Variants in FBXO31 observed in about 807,000 individuals in gnomAD.
FBXO31 encodes F-box only protein 31.
A neutral mutation model predicts 54.4 loss-of-function variants in FBXO31; 24 were observed. That is an observed-to-expected ratio of 0.44 (90% confidence interval 0.32 to 0.62). The LOEUF (loss-of-function observed/expected upper bound fraction) is 0.62, where lower values mean the gene tolerates loss of function less well. FBXO31 is among the 20% of genes least tolerant of loss of function. The probability of loss-of-function intolerance (pLI) is 0.05; values close to 1 mark genes in which losing one functional copy is unlikely to be tolerated. For missense variants in FBXO31, 665 were observed against 787.1 expected, an observed-to-expected ratio of 0.84 and a Z score of 1.86; for synonymous variants, 388 against 335.6, an observed-to-expected ratio of 1.16 and a Z score of -1.71.
chr16:87,346,710 G>A lies in FBXO31; in HGVS notation c.489+464C>T, dbSNP rs767295198. Among the ~76,000 whole-genome samples, 7 of 152,220 alleles carry A rather than the reference G, an allele frequency of 4.6e-5. No homozygotes were observed. The highest frequency in any genetic ancestry group is 7.3e-5 in the Non-Finnish European group (5 of 68,044). ...CAACAAAGTCAGAGCAGGGCTTTCCGTTCGAGAGGCTCCAGTAGGAGGGCA... is the reference window on the plus strand; with the variant it reads ...CAACAAAGTCAGAGCAGGGCTTTCCATTCGAGAGGCTCCAGTAGGAGGGCA... On this transcript the variant is annotated intron_variant, in intron 3 of 8. Coordinates refer to ENST00000311635, the MANE Select transcript of FBXO31 (RefSeq NM_024735.5). This position sits in a 1 kb window ranked among gnomAD's most constrained non-coding sequence, Gnocchi z 4.2.
At chr16:87,348,249 G>C (rs1421890244) in intron 2 of FBXO31, among the ~76,000 whole-genome samples, 8 of 152,120 alleles carry the variant, frequency 5.3e-5, no homozygotes, top group African/African-American at 1.4e-4. Context: ...CTCTCCATCA[G>C]CCTCAGCCTC....
intron 8 of FBXO31, among the ~76,000 whole-genome samples, chr16:87,332,385 GAC>G (rs1904889099): frequency 6.6e-6 from 1 of 152,228 alleles, no homozygotes. Context: ...ACGGAGGCTG[GAC>G]AGGTCTTCCT....
chr16:87,331,259 C>T lies in FBXO31; in HGVS notation c.*29G>A. 6.2e-7 allele frequency: 1 copy of T among 1,603,274 alleles called. No homozygotes were observed. Among genetic ancestry groups the T allele is most frequent in the South Asian group, 1.1e-5 (1 of 90,686 alleles). On this transcript the variant is annotated 3_prime_UTR_variant, in exon 9 of 9. Coordinates refer to ENST00000311635, the MANE Select transcript of FBXO31 (RefSeq NM_024735.5). ...TCAGAGTTCAGAGCCCCAGAGCCACCCGGGATGTGGCGGCAAGGATGTGGC... is the reference window on the plus strand; with the variant it reads ...TCAGAGTTCAGAGCCCCAGAGCCACTCGGGATGTGGCGGCAAGGATGTGGC...
Position 87,329,625 on chromosome 16 carries a change from T to A in FBXO31, c.*1663A>T, listed in dbSNP as rs1412645187. On this transcript the variant is annotated 3_prime_UTR_variant, in exon 9 of 9. Coordinates refer to ENST00000311635, the MANE Select transcript of FBXO31 (RefSeq NM_024735.5). ...AGAGGGCAGGGAGTGACAAAGCTTG[T>A]AGGCTAATGCTGCAAAAGCCGCTAG... 6.6e-6 allele frequency: 1 copy of A among 152,218 alleles called. No individual in the cohort carries two copies. The highest frequency in any genetic ancestry group is 6.5e-5 in the Admixed American group (1 of 15,284). The allele number at this position is 152,218 out of a possible 1,614,324, so 9.4% of individuals were successfully genotyped here.
intron 1 of FBXO31, among the ~76,000 whole-genome samples, chr16:87,377,317 G>A (rs752504937): frequency 2.0e-5 from 3 of 152,142 alleles, no homozygotes; most frequent in Admixed American, 6.5e-5. Flanking sequence ...GTGTTGGCAC[G>A]TGCCTATAGT....
intron 8 of FBXO31, among the ~76,000 whole-genome samples, chr16:87,332,910 C>G (rs1235150593): frequency 6.6e-6 from 1 of 152,208 alleles, no homozygotes; most frequent in East Asian, 1.9e-4. Context: ...GGCGGACCCT[C>G]AAAACAGCCC....
At position 87,331,092 on chromosome 16, in the gene FBXO31, T is replaced by A. The variant is rs1239872029; in HGVS notation, c.*196A>T. On this transcript the variant is annotated 3_prime_UTR_variant, in exon 9 of 9. Transcript: ENST00000311635. ...GGTAAGACATGCTCAGCTTCTTCCATCATGGCACTGACAAATATGCAGGTC... is the reference window on the plus strand; with the variant it reads ...GGTAAGACATGCTCAGCTTCTTCCAACATGGCACTGACAAATATGCAGGTC... The A allele has an allele frequency of 5.1e-6, 3 of 583,368 alleles. No homozygotes were observed. The highest frequency in any genetic ancestry group is 9.1e-6 in the Non-Finnish European group (3 of 327,976). The allele number at this position is 583,368 out of a possible 1,614,324, so 36.1% of individuals were successfully genotyped here.
At chr16:87,381,763 G>T (rs1318181486) in intron 1 of FBXO31, among the ~76,000 whole-genome samples, 1 of 152,128 alleles carries the variant, frequency 6.6e-6, no homozygotes, top group Non-Finnish European at 1.5e-5. Context: ...GGGGGCTCGC[G>T]CCTGTAATCC....
Position 87,331,452 on chromosome 16 carries a change from C to T in FBXO31, c.1456G>A (p.Gly486Arg). ...TCCTCATCGAAGAGGATGAAGACCCCGGGGGTGCGTTCAGGGCTGGTGAAG... is the reference window on the plus strand; with the variant it reads ...TCCTCATCGAAGAGGATGAAGACCCTGGGGGTGCGTTCAGGGCTGGTGAAG... ...HGFTSPERTP[G>R]VFILFDEDRF... is the part of the protein sequence containing the mutation. Residue 486 changes from glycine (G) to arginine (R), a missense_variant, in exon 9 of 9, where the codon GGG becomes AGG. Coordinates refer to ENST00000311635, the MANE Select transcript of FBXO31 (RefSeq NM_024735.5). 6.2e-7 allele frequency: 1 copy of T among 1,613,502 alleles called. No homozygotes were observed. Among genetic ancestry groups the T allele is most frequent in the Non-Finnish European group, 8.5e-7 (1 of 1,179,868 alleles).
At chr16:87,355,434 C>T (rs1470145650) in intron 2 of FBXO31, among the ~76,000 whole-genome samples, 1 of 152,210 alleles carries the variant, frequency 6.6e-6, no homozygotes, top group Non-Finnish European at 1.5e-5. Context: ...ACATCACAGG[C>T]ATAGGTTGAG....
chr16:87,388,008 G>A (rs1317042654), upstream of FBXO31, among the ~76,000 whole-genome samples: 2 of 152,196 alleles, frequency 1.3e-5, no homozygotes, highest in Admixed American at 6.6e-5. Context: ...AGTTGCACAC[G>A]TTAACAGTCC....
intron 2 of FBXO31, among the ~76,000 whole-genome samples, chr16:87,349,188 C>G (rs1400136641): frequency 6.6e-6 from 1 of 152,180 alleles, no homozygotes; most frequent in Non-Finnish European, 1.5e-5. Context: ...CAAAATGATT[C>G]CAAAGTCCAT....
rs111611648 is a variant in FBXO31 at position 87,377,974 on chromosome 16, C to T, written c.340+5431G>A. The stretch of plus-strand genomic sequence containing the variant: ...GGAGTTCGAGACCAGCCTGACCAAC[C>T]TGGAGAAACCCCATCTCTACTAAAA... On this transcript the variant is annotated intron_variant, in intron 1 of 8. Transcript: ENST00000311635. Among the ~76,000 whole-genome samples, 3 of 151,864 alleles carry T rather than the reference C, an allele frequency of 2.0e-5. No individual in the cohort carries two copies. In the South Asian group the frequency reaches 6.2e-4, roughly 32 times the overall value.
In FBXO31 at chr16:87,345,295, T is replaced by C. The variant is rs1174917268; in HGVS notation, c.490-1530A>G. Among the ~76,000 whole-genome samples the C allele has an allele frequency of 7.1e-6, 1 of 140,308 alleles. No homozygotes were observed. Among genetic ancestry groups the C allele is most frequent in the African/African-American group, 2.6e-5 (1 of 37,932 alleles). The allele number at this position is 140,308 out of a possible 152,430, so 92.0% of individuals were successfully genotyped here. On this transcript the variant is annotated intron_variant, in intron 3 of 8. Transcript: ENST00000311635. The surrounding 1 kb of genome is among the most constrained non-coding windows in gnomAD (Gnocchi z 4.9). ...AGTCAGGGCGGGGCTTTCCGGAAAG[T>C]TCAAGAGGCTCCAGCAGGAGGGTGC...
At chr16:87,377,134 T>A (rs184357529) in intron 1 of FBXO31, among the ~76,000 whole-genome samples, 1 of 152,348 alleles carries the variant, frequency 6.6e-6, no homozygotes, top group Admixed American at 6.5e-5. Flanking sequence ...GTTTGAAATC[T>A]ATAATTTTGA....
chr16:87,373,377 A>T (rs1906683485), intron 1 of FBXO31, among the ~76,000 whole-genome samples: 1 of 152,054 alleles, frequency 6.6e-6, no homozygotes, highest in African/African-American at 2.4e-5. Context: ...GCGTGAACCC[A>T]GGAGGTGGAG....
Position 87,383,691 on chromosome 16 carries a change from G to A in FBXO31, c.54C>T (p.Arg18=). The change falls in exon 1 of 9, where the codon CGC becomes CGT. Residue 18 remains arginine (R), a synonymous_variant. Transcript: ENST00000311635. This position sits in a 1 kb window ranked among gnomAD's most constrained non-coding sequence, Gnocchi z 4.9. ...CGGCCGGGCCCCGGCGCTGCTGGCGGCGCCGACATCCGCGCGACGGGCCCA... is the reference window on the plus strand; with the variant it reads ...CGGCCGGGCCCCGGCGCTGCTGGCGACGCCGACATCCGCGCGACGGGCCCA... ...CGVGPSRGCR[R]RQQRRGPAET... 1 of 1,274,160 alleles carries A rather than the reference G, an allele frequency of 7.8e-7. No individual in the cohort carries two copies. The highest frequency in any genetic ancestry group is 3.3e-5 in the East Asian group (1 of 30,064). The allele number at this position is 1,274,160 out of a possible 1,614,324, so 78.9% of individuals were successfully genotyped here.
At chr16:87,353,377 C>T (rs1905749735) in intron 2 of FBXO31, among the ~76,000 whole-genome samples, 1 of 152,224 alleles carries the variant, frequency 6.6e-6, no homozygotes, top group Non-Finnish European at 1.5e-5. Flanking sequence ...GAGTGGTCTC[C>T]CTCAAAATTC....
chr16:87,347,363 A>G, intron 2 of FBXO31, 113 bp from the exon 3 acceptor site: 1 of 874,892 alleles, frequency 1.1e-6, no homozygotes, highest in Non-Finnish European at 1.9e-6. Context: ...GGCTTGCAAG[A>G]GCCCTCCAAA....
Sources: allele counts gnomAD v4.1 joint callset (sites outside exome capture counted in the v4.1 genomes callset), GRCh38; gene constraint gnomAD v4.1.1; non-coding constraint Gnocchi (gnomAD v3.1); transcripts MANE v1.5; gene names NCBI Gene and HGNC (gene_info 2026-07-23, HGNC 2026-07-21).